The following AGAP1 variants were observed in gnomAD, a reference collection of about 807,000 sequenced individuals.
AGAP1 encodes ArfGAP with GTPase domain, ankyrin repeat and PH domain 1.
AGAP1 carries 29 observed loss-of-function variants against 105.3 expected under a neutral mutation model. That is an observed-to-expected ratio of 0.28 (90% CI 0.21 to 0.38). AGAP1 has a LOEUF of 0.38. Ranked by LOEUF, AGAP1 falls within the 10% of genes least tolerant of loss-of-function variation. The pLI is 1.00. For missense variants in AGAP1, 998 were observed against 1,165.1 expected (o/e 0.86, Z 2.09); for synonymous variants, 509 against 485.9 (o/e 1.05, Z -0.63).
rs889876323 is a variant in AGAP1 at position 235,557,562 on chromosome 2, C to CT, written c.163+62720dup. Among the ~76,000 whole-genome samples the CT allele has an allele frequency of 1.3e-5, 2 of 152,082 alleles. No individual in the cohort carries two copies. Among genetic ancestry groups the CT allele is most frequent in the East Asian group, 1.9e-4 (1 of 5,186 alleles). ...ATGATGTCAGTGAACATTTATTGGC[C>CT]TTTTTTTCTGTGCCAATAACTCTCA... is the stretch of plus-strand genomic sequence containing the variant. On this transcript the variant is annotated intron_variant, in intron 1 of 17. Coordinates refer to ENST00000304032, the MANE Select transcript of AGAP1 (RefSeq NM_001037131.3). The surrounding 1 kb of genome is among the most constrained non-coding windows in gnomAD (Gnocchi z 4.7).
chr2:235,797,399 A>G (rs973765707), intron 6 of AGAP1, among the ~76,000 whole-genome samples: 1 of 152,018 alleles, frequency 6.6e-6, no homozygotes, highest in African/African-American at 2.4e-5. Context: ...AGTGCTGCTG[A>G]GGCCATGTAA....
rs1234922556 is a variant in AGAP1 at position 235,663,805 on chromosome 2, AC to A, written c.164-45372del. ...TTTGAGAAGGAATGTCTGCATGAAGACCATCGTACAGATGGCGATATTAGAA... is the reference window on the plus strand; with the variant it reads ...TTTGAGAAGGAATGTCTGCATGAAGACATCGTACAGATGGCGATATTAGAA... On this transcript the variant is annotated intron_variant, in intron 1 of 17. Coordinates refer to ENST00000304032, the MANE Select transcript of AGAP1 (RefSeq NM_001037131.3). This position sits in a 1 kb window ranked among gnomAD's most constrained non-coding sequence, Gnocchi z 5.4. Among the ~76,000 whole-genome samples the A allele has an allele frequency of 2.0e-5, 3 of 152,172 alleles. No homozygotes were observed. Among genetic ancestry groups the A allele is most frequent in the East Asian group, 3.9e-4 (2 of 5,192 alleles).
At chr2:235,868,549 C>A (rs1236620680) in intron 9 of AGAP1, among the ~76,000 whole-genome samples, 1 of 152,138 alleles carries the variant, frequency 6.6e-6, no homozygotes, top group African/African-American at 2.4e-5. Flanking sequence ...CTCTGTGTAA[C>A]GATGATCCCT....
At chr2:235,892,146 C>T (rs74676200) in intron 10 of AGAP1, among the ~76,000 whole-genome samples, 1,635 of 150,294 alleles carry the variant, frequency 0.011, 35 homozygotes, top group African/African-American at 0.039. Flanking sequence ...AGTGAGACTC[C>T]CATCTCAAAA....
At chr2:235,972,415 A>G (rs1373174203) in intron 13 of AGAP1, among the ~76,000 whole-genome samples, 1 of 152,168 alleles carries the variant, frequency 6.6e-6, no homozygotes, top group Non-Finnish European at 1.5e-5. Flanking sequence ...CTGGAATGGG[A>G]TGGGGCTCCC....
At chr2:235,683,901 T>A (rs983231768) in intron 1 of AGAP1, among the ~76,000 whole-genome samples, 11 of 140,666 alleles carry the variant, frequency 7.8e-5, no homozygotes, top group African/African-American at 2.9e-4. Context: ...CCTGTGTCCA[T>A]GTCTTCTCAT....
chr2:235,852,290 C>A (rs114544628), intron 9 of AGAP1, among the ~76,000 whole-genome samples: 1 of 152,222 alleles, frequency 6.6e-6, no homozygotes, highest in Non-Finnish European at 1.5e-5. Flanking sequence ...CGGAGAAGGG[C>A]CCGGGCGTGC....
At chr2:235,969,557 A>G (rs993976641) in intron 13 of AGAP1, among the ~76,000 whole-genome samples, 2 of 152,002 alleles carry the variant, frequency 1.3e-5, no homozygotes, top group South Asian at 2.1e-4. Flanking sequence ...CTCTTTCTCT[A>G]TGGCTGCCAT....
rs1204299412 is a variant in AGAP1 at position 236,062,165 on chromosome 2, C to T, written c.2114+12884C>T. Among the ~76,000 whole-genome samples, 1 of 152,182 alleles carries T rather than the reference C, an allele frequency of 6.6e-6. No individual in the cohort carries two copies. The highest frequency in any genetic ancestry group is 1.5e-5 in the Non-Finnish European group (1 of 68,026). ...AGGGGAGCAAGTGAGCCTGAATCAG[C>T]GATCATCACCACCAGATACTGGGAG... On this transcript the variant is annotated intron_variant, in intron 16 of 17. Transcript: ENST00000304032. This position sits in a 1 kb window ranked among gnomAD's most constrained non-coding sequence, Gnocchi z 4.2.
intron 11 of AGAP1, among the ~76,000 whole-genome samples, chr2:235,923,527 C>G (rs1018012630): frequency 6.6e-6 from 1 of 151,354 alleles, no homozygotes; most frequent in African/African-American, 2.4e-5. Flanking sequence ...CCCACCCCAC[C>G]CCACTCACAA....
intron 1 of AGAP1, among the ~76,000 whole-genome samples, chr2:235,564,805 CACCCACGGCCAGGTGTGAGCCTGGACCAG>C (rs1944290842): frequency 6.9e-6 from 1 of 144,868 alleles, no homozygotes; most frequent in African/African-American, 2.6e-5. Context: ...CCTGGACCAG[CACCCACGGCCAGGTGTGAGCCTGGACCAG>C]CACCCACGGC....
chr2:235,991,712 A>C (rs1402007952), intron 13 of AGAP1, among the ~76,000 whole-genome samples: 2 of 152,218 alleles, frequency 1.3e-5, no homozygotes, highest in Admixed American at 6.5e-5. Context: ...ACATAAGGCT[A>C]TCTTGCTTCA....
rs116613395 is a variant in AGAP1, at chr2:235,586,311, G to A, written c.163+91462G>A. 6.2e-3 allele frequency among the ~76,000 whole-genome samples: 940 copies of A among 152,286 alleles called. 8 individuals are homozygous for A. Among genetic ancestry groups the A allele is most frequent in the African/African-American group, 0.019 (773 of 41,554 alleles). On this transcript the variant is annotated intron_variant, in intron 1 of 17. Coordinates refer to ENST00000304032, the MANE Select transcript of AGAP1 (RefSeq NM_001037131.3). The surrounding 1 kb of genome is among the most constrained non-coding windows in gnomAD (Gnocchi z 4.2). ...AGACCACCCACTTTGCCCTCTGCAC[G>A]CTCACTCCACGAAGGATGCAGGTGG...
chr2:235,756,582 C>T (rs1184444744), intron 6 of AGAP1, among the ~76,000 whole-genome samples: 1 of 152,130 alleles, frequency 6.6e-6, no homozygotes, highest in East Asian at 1.9e-4. Flanking sequence ...CGTGAGTGGT[C>T]CACAGTGTGG....
At chr2:235,676,273 C>A (rs1257104061) in intron 1 of AGAP1, among the ~76,000 whole-genome samples, 2 of 152,336 alleles carry the variant, frequency 1.3e-5, no homozygotes, top group East Asian at 3.9e-4. Context: ...GTAACAATAA[C>A]CTTGCATACA....
chr2:235,704,435 C>T (rs370857853), intron 1 of AGAP1, among the ~76,000 whole-genome samples: 1 of 152,176 alleles, frequency 6.6e-6, no homozygotes, highest in African/African-American at 2.4e-5. Context: ...ATCACGAGGT[C>T]AGGAGATCGA....
chr2:235,760,117 AC>A (rs1954313482), intron 6 of AGAP1, among the ~76,000 whole-genome samples: 1 of 152,218 alleles, frequency 6.6e-6, no homozygotes, highest in African/African-American at 2.4e-5. Flanking sequence ...GCAGAGGTTC[AC>A]AGCTGTAATC....
intron 16 of AGAP1, among the ~76,000 whole-genome samples, chr2:236,100,005 A>C (rs998406475): frequency 6.6e-6 from 1 of 152,164 alleles, no homozygotes; most frequent in Non-Finnish European, 1.5e-5. Context: ...AGGCCACTGC[A>C]CTCCAGCCTG....
At chr2:235,534,864 C>T (rs796634126) in intron 1 of AGAP1, among the ~76,000 whole-genome samples, 2 of 152,230 alleles carry the variant, frequency 1.3e-5, no homozygotes, top group African/African-American at 4.8e-5. Flanking sequence ...CAGGGTATCT[C>T]GTTGTAGCCT....
Sources: allele counts gnomAD v4.1 joint callset (sites outside exome capture counted in the v4.1 genomes callset), GRCh38; gene constraint gnomAD v4.1.1; non-coding constraint Gnocchi (gnomAD v3.1); transcripts MANE v1.5; gene names NCBI Gene and HGNC (gene_info 2026-07-23, HGNC 2026-07-21).